Variants in SLC35F3 observed in about 807,000 individuals in gnomAD.
SLC35F3 encodes solute carrier family 35 member F3, also known as putative thiamine transporter SLC35F3.
In SLC35F3, 25 loss-of-function variants were observed where a neutral mutation model predicts 49.9. The observed-to-expected ratio is 0.50, with a 90% CI of 0.37 to 0.70. The LOEUF (loss-of-function observed/expected upper bound fraction) is 0.70. SLC35F3 is among the 30% of genes least tolerant of loss of function. The probability of loss-of-function intolerance (pLI) is 0.00; values close to 1 mark genes in which losing one functional copy is unlikely to be tolerated. For synonymous variants in SLC35F3, 275 were observed against 265.4 expected (o/e 1.04, Z -0.35); for missense variants, 525 against 639.8 (o/e 0.82, Z 1.94).
chr1:233,984,818 G>C (rs1443830286), intron 2 of SLC35F3, among the ~76,000 whole-genome samples: 1 of 152,060 alleles, frequency 6.6e-6, no homozygotes, highest in Non-Finnish European at 1.5e-5. Context: ...AGCAACCCAG[G>C]GACATATGTT....
At chr1:233,967,500 AT>A (rs1392142816) in intron 2 of SLC35F3, among the ~76,000 whole-genome samples, 1 of 152,202 alleles carries the variant, frequency 6.6e-6, no homozygotes, top group Non-Finnish European at 1.5e-5. Flanking sequence ...TGTAAAATAA[AT>A]TTGACTTTGA....
chr1:234,113,580 G>A (rs1665440649), intron 2 of SLC35F3, among the ~76,000 whole-genome samples: 1 of 152,102 alleles, frequency 6.6e-6, no homozygotes, highest in Non-Finnish European at 1.5e-5. Flanking sequence ...TCGGTGACAT[G>A]TAGGCAAGCA....
At chr1:233,996,230 G>C (rs1663457403) in intron 2 of SLC35F3, among the ~76,000 whole-genome samples, 1 of 152,136 alleles carries the variant, frequency 6.6e-6, no homozygotes, top group Non-Finnish European at 1.5e-5. Flanking sequence ...AAACAATACA[G>C]TATAACAGCT....
At chr1:233,912,345 G>T (rs1661890592) in intron 2 of SLC35F3, among the ~76,000 whole-genome samples, 1 of 152,112 alleles carries the variant, frequency 6.6e-6, no homozygotes, top group African/African-American at 2.4e-5. Flanking sequence ...CGGCATGGTG[G>T]TGGGCACCTG....
At chr1:234,107,328 G>A (rs1266859266) in intron 2 of SLC35F3, among the ~76,000 whole-genome samples, 2 of 152,222 alleles carry the variant, frequency 1.3e-5, no homozygotes, top group South Asian at 2.1e-4. Flanking sequence ...GACAAAAGGT[G>A]TGGCTGTATA....
chr1:234,216,457 A>G (rs1412856989), intron 2 of SLC35F3, among the ~76,000 whole-genome samples: 3 of 152,170 alleles, frequency 2.0e-5, no homozygotes, highest in Admixed American at 6.5e-5. Flanking sequence ...GTACTTCCCT[A>G]TGGCCAAGCC....
At chr1:233,971,015 G>C (rs775387792) in intron 2 of SLC35F3, among the ~76,000 whole-genome samples, 3 of 152,204 alleles carry the variant, frequency 2.0e-5, no homozygotes, top group Non-Finnish European at 4.4e-5. Context: ...TCTGTATGTG[G>C]CTAGCCTCTT....
At chr1:234,140,002 A>AATAAAATAAAATATAAT in intron 2 of SLC35F3, among the ~76,000 whole-genome samples, 1 of 105,368 alleles carries the variant, frequency 9.5e-6, no homozygotes, top group Non-Finnish European at 2.4e-5. Flanking sequence ...AATAAAATAA[A>AATAAAATAAAATATAAT]GTAAGTGACT....
At chr1:234,109,494 A>C (rs952355076) in intron 2 of SLC35F3, among the ~76,000 whole-genome samples, 9 of 152,194 alleles carry the variant, frequency 5.9e-5, no homozygotes, top group African/African-American at 2.2e-4. Flanking sequence ...GAATGTTTTT[A>C]GGAGTCTCCC....
At chr1:234,257,520 A>T (rs1404473295) in intron 3 of SLC35F3, among the ~76,000 whole-genome samples, 1 of 152,252 alleles carries the variant, frequency 6.6e-6, no homozygotes, top group Middle Eastern at 3.2e-3. Context: ...AAGATGGACA[A>T]GGATTTGAAT....
In SLC35F3 at chr1:233,952,679, A is replaced by C. The variant is rs1242772029; in HGVS notation, c.283+46921A>C. Among the ~76,000 whole-genome samples, 3 of 152,148 alleles carry C rather than the reference A, an allele frequency of 2.0e-5. No individual in the cohort carries two copies. In the East Asian group the frequency reaches 5.8e-4, roughly 29 times the overall value. ...GGTGAACAAAACATTTAGGTTTTGC[A>C]GCTCAGGATATGCCTGTCAACTTTG... is the stretch of plus-strand genomic sequence containing the variant. On this transcript the variant is annotated intron_variant, in intron 2 of 7. Transcript: ENST00000366618.
At chr1:234,129,871 A>G (rs1303024780) in intron 2 of SLC35F3, among the ~76,000 whole-genome samples, 10 of 151,954 alleles carry the variant, frequency 6.6e-5, no homozygotes, top group Non-Finnish European at 1.3e-4. Flanking sequence ...ATGGGGGGGA[A>G]CTAACCTTGA....
intron 2 of SLC35F3, among the ~76,000 whole-genome samples, chr1:234,017,926 G>A (rs1663828728): frequency 6.6e-6 from 1 of 151,866 alleles, no homozygotes; most frequent in African/African-American, 2.4e-5. Context: ...CCTGTGCTTA[G>A]GAATAGGAGA....
At chr1:234,081,117 A>G (rs1664868980) in intron 2 of SLC35F3, among the ~76,000 whole-genome samples, 1 of 152,066 alleles carries the variant, frequency 6.6e-6, no homozygotes, top group African/African-American at 2.4e-5. Context: ...TTCCTTCTTC[A>G]GTCTCTTCAG....
At chr1:234,160,695 G>A (rs764210132) in intron 2 of SLC35F3, among the ~76,000 whole-genome samples, 37 of 152,140 alleles carry the variant, frequency 2.4e-4, no homozygotes, top group Non-Finnish European at 4.0e-4. Flanking sequence ...AGAGCATCAG[G>A]AAGCACTGAG....
chr1:234,150,444 G>A (rs571221813), intron 2 of SLC35F3, among the ~76,000 whole-genome samples: 1 of 152,154 alleles, frequency 6.6e-6, no homozygotes, highest in Non-Finnish European at 1.5e-5. Flanking sequence ...AGGTCTGTGT[G>A]TCTGTACCTT....
At chr1:234,032,829 G>A (rs1572026461) in intron 2 of SLC35F3, among the ~76,000 whole-genome samples, 1 of 152,146 alleles carries the variant, frequency 6.6e-6, no homozygotes, top group African/African-American at 2.4e-5. Context: ...ATAAACGTGT[G>A]TGCAAGTGTC....
Position 234,034,411 on chromosome 1 carries a change from G to T in SLC35F3, c.283+128653G>T, listed in dbSNP as rs1346024751. On this transcript the variant is annotated intron_variant, in intron 2 of 7. Transcript: ENST00000366618. Reference sequence around the variant, plus strand: ...AGGAGTGGTGAAAGTGGGCATCCTTGTCTTGTTCCAGGTCTCAGGTGGAAT... The same window carrying T: ...AGGAGTGGTGAAAGTGGGCATCCTTTTCTTGTTCCAGGTCTCAGGTGGAAT... 2.0e-5 allele frequency among the ~76,000 whole-genome samples: 3 copies of T among 152,272 alleles called. No individual in the cohort carries two copies. In the East Asian group the frequency reaches 5.8e-4, roughly 29 times the overall value.
chr1:234,214,638 AG>A lies in SLC35F3; in HGVS notation c.284-16773del. ...CTAGCCGGGGAATGCTGCCACCCTG[AG>A]GGGGGCTGTCTGGCTGCGGGGCGCC... On this transcript the variant is annotated intron_variant, in intron 2 of 7. Coordinates refer to ENST00000366618, the MANE Select transcript of SLC35F3 (RefSeq NM_173508.4). This position sits in a 1 kb window ranked among gnomAD's most constrained non-coding sequence, Gnocchi z 8.0. 6 of 1,488,794 alleles carry A rather than the reference AG, an allele frequency of 4.0e-6. No homozygotes were observed. The highest frequency in any genetic ancestry group is 2.3e-5 in the Admixed American group (1 of 43,900). The allele number at this position is 1,488,794 out of a possible 1,614,324, so 92.2% of individuals were successfully genotyped here. A position where few individuals can be genotyped will look rare whatever the true frequency, so the allele number is the denominator to read the frequency against.
Sources: gnomAD v4.1 joint callset for allele counts (sites outside exome capture counted in the v4.1 genomes callset) on GRCh38, gnomAD v4.1.1 for gene constraint, Gnocchi (gnomAD v3.1) non-coding constraint, MANE v1.5 for transcripts, NCBI Gene and HGNC (gene_info 2026-07-23, HGNC 2026-07-21) for gene names.